The following KIRREL3 variants were observed in gnomAD, a reference collection of about 807,000 sequenced individuals.
KIRREL3 encodes the protein kin of IRRE-like protein 3.
A neutral mutation model predicts 89.7 loss-of-function variants in KIRREL3; 36 were observed. The observed-to-expected ratio is 0.40, with a 90% confidence interval of 0.31 to 0.53. The LOEUF is 0.53. KIRREL3 is among the 20% of genes least tolerant of loss of function. The pLI is 0.49. For missense variants in KIRREL3, 864 were observed against 1,056.6 expected (o/e 0.82, Z 2.53); for synonymous variants, 445 against 441.4 (o/e 1.01, Z -0.10).
chr11:126,617,269 G>A (rs892255535), intron 1 of KIRREL3, among the ~76,000 whole-genome samples: 8 of 152,208 alleles, frequency 5.3e-5, no homozygotes, highest in African/African-American at 1.7e-4. Flanking sequence ...GCTTGCCCAC[G>A]CAGTTAGATG....
At position 126,615,200 on chromosome 11, in the gene KIRREL3, GC is replaced by G. The variant is rs1470210029; in HGVS notation, c.56-52289del. Among the ~76,000 whole-genome samples, 8 of 152,282 alleles carry G rather than the reference GC, an allele frequency of 5.3e-5. No individual in the cohort carries two copies. Among genetic ancestry groups the G allele is most frequent in the African/African-American group, 1.4e-4 (6 of 41,556 alleles). The stretch of plus-strand genomic sequence containing the variant: ...CGTGCATACCTCTGCCTTAGCACCT[GC>G]TTTTATGACAGTCTTCTCTACAATG... On this transcript the variant is annotated intron_variant, in intron 1 of 16. Transcript: ENST00000525144. This position sits in a 1 kb window ranked among gnomAD's most constrained non-coding sequence, Gnocchi z 5.4.
At chr11:126,665,555 C>G (rs1945623140) in intron 1 of KIRREL3, among the ~76,000 whole-genome samples, 1 of 152,092 alleles carries the variant, frequency 6.6e-6, no homozygotes, top group African/African-American at 2.4e-5. Context: ...GAAAGAGGCC[C>G]CAGAGAGCTG....
intron 4 of KIRREL3, among the ~76,000 whole-genome samples, chr11:126,483,538 C>G (rs1957275911): frequency 6.6e-6 from 1 of 152,220 alleles, no homozygotes; most frequent in Non-Finnish European, 1.5e-5. Flanking sequence ...CTCTCCACTT[C>G]CCTCCGATCC....
Position 126,526,554 on chromosome 11 carries a change from C to T in KIRREL3, c.267G>A (p.Val89=). Residue 89 remains valine (V), a synonymous_variant, in exon 3 of 17, where the codon GTG becomes GTA. Coordinates refer to ENST00000525144, the MANE Select transcript of KIRREL3 (RefSeq NM_032531.4). The surrounding 1 kb of genome is among the most constrained non-coding windows in gnomAD (Gnocchi z 5.7). ...GGTACTCACTTGAGAGGTCCCTGCC[C>T]ACACCCAGAGCCAAGCCGTCCTTGA... The part of the protein sequence containing the change: ...LWIKDGLALG[V]GRDLSSYPQY... 2 of 1,613,268 alleles carry T rather than the reference C, an allele frequency of 1.2e-6. No homozygotes were observed. Among genetic ancestry groups the T allele is most frequent in the Non-Finnish European group, 1.7e-6 (2 of 1,179,588 alleles).
At position 126,996,262 on chromosome 11, in the gene KIRREL3, A is replaced by C. The variant is rs777794982; in HGVS notation, c.55+4193T>G. Among the ~76,000 whole-genome samples the C allele has an allele frequency of 6.6e-6, 1 of 152,200 alleles. No individual in the cohort carries two copies. Among genetic ancestry groups the C allele is most frequent in the Non-Finnish European group, 1.5e-5 (1 of 68,042 alleles). On this transcript the variant is annotated intron_variant, in intron 1 of 16. Transcript: ENST00000525144. The surrounding 1 kb of genome is among the most constrained non-coding windows in gnomAD (Gnocchi z 4.7). The stretch of plus-strand genomic sequence containing the variant: ...TCCTCTAGACAAGACGTCATCCCAC[A>C]TGGGGTTCTGGTAGGAGGGAGAAAC...
At chr11:126,717,955 A>T (rs1370566857) in intron 1 of KIRREL3, among the ~76,000 whole-genome samples, 1 of 152,230 alleles carries the variant, frequency 6.6e-6, no homozygotes, top group Non-Finnish European at 1.5e-5. Flanking sequence ...GTGAGCCGTG[A>T]TTGCTAATAT....
At chr11:126,928,934 G>A (rs902781819) in intron 1 of KIRREL3, among the ~76,000 whole-genome samples, 2 of 152,138 alleles carry the variant, frequency 1.3e-5, no homozygotes, top group Non-Finnish European at 2.9e-5. Context: ...CCCATGATTG[G>A]TCAAACTATG....
chr11:126,440,518 C>T lies in KIRREL3; in HGVS notation c.1284G>A (p.Gln428=). The T allele has an allele frequency of 6.2e-7, 1 of 1,601,674 alleles. No individual in the cohort carries two copies. The highest frequency in any genetic ancestry group is 1.7e-4 in the Middle Eastern group (1 of 6,046). The stretch of plus-strand genomic sequence containing the variant: ...GGCCCTTCTCGCCGTGGAGGGCGTG[C>T]TGGGTCTGGGTGCTGGAGATGATGG... The part of the protein sequence containing the change: ...GPPIISSTQT[Q]HALHGEKGQI... Residue 428 remains glutamine (Q), a synonymous_variant, in exon 11 of 17, where the codon CAG becomes CAA. Transcript: ENST00000525144.
rs537707535 is a variant in KIRREL3 at position 126,610,221 on chromosome 11, G to T, written c.56-47309C>A. 5.9e-5 allele frequency among the ~76,000 whole-genome samples: 9 copies of T among 152,242 alleles called. No homozygotes were observed. The South Asian group carries it at 1.9e-3, about 32-fold the overall frequency. On this transcript the variant is annotated intron_variant, in intron 1 of 16. Coordinates refer to ENST00000525144, the MANE Select transcript of KIRREL3 (RefSeq NM_032531.4). This position sits in a 1 kb window ranked among gnomAD's most constrained non-coding sequence, Gnocchi z 4.6. ...TTCTCCTGCCTCAGCCTGCCGAGTG[G>T]CTGGGATTACAGGCATGCACCACCA...
rs543537854 is a variant in KIRREL3 at position 126,558,258 on chromosome 11, G to T, written c.133+4577C>A. ...TTCTCAAGAGTCCTGTGGCCTGCCAGCTTTTCTGGTCCCCCAGGAATGGTC... is the reference window on the plus strand; with the variant it reads ...TTCTCAAGAGTCCTGTGGCCTGCCATCTTTTCTGGTCCCCCAGGAATGGTC... On this transcript the variant is annotated intron_variant, in intron 2 of 16. Coordinates refer to ENST00000525144, the MANE Select transcript of KIRREL3 (RefSeq NM_032531.4). The surrounding 1 kb of genome is among the most constrained non-coding windows in gnomAD (Gnocchi z 4.0). Among the ~76,000 whole-genome samples the T allele has an allele frequency of 6.6e-6, 1 of 152,244 alleles. No individual in the cohort carries two copies. Among genetic ancestry groups the T allele is most frequent in the Admixed American group, 6.5e-5 (1 of 15,300 alleles).
intron 2 of KIRREL3, among the ~76,000 whole-genome samples, chr11:126,542,143 C>T (rs1939298): frequency 0.055 from 8,383 of 152,284 alleles, 685 homozygotes; most frequent in African/African-American, 0.18. Flanking sequence ...CAGGCCCACC[C>T]GGCGTGCACT....
Position 126,656,070 on chromosome 11 carries a change from A to G in KIRREL3, c.56-93158T>C, listed in dbSNP as rs962532739. 3 of 447,244 alleles carry G rather than the reference A, an allele frequency of 6.7e-6. No homozygotes were observed. Among genetic ancestry groups the G allele is most frequent in the African/African-American group, 6.0e-5 (3 of 49,884 alleles). 27.7% of individuals were successfully genotyped at this position (447,244 alleles called of 1,614,324 possible). ...GCCAGGAGAGTCCTGTGGATTCACTAGATTCTGGGACTATACCTTATCTAT... is the reference window on the plus strand; with the variant it reads ...GCCAGGAGAGTCCTGTGGATTCACTGGATTCTGGGACTATACCTTATCTAT... On this transcript the variant is annotated intron_variant, in intron 1 of 16. Transcript: ENST00000525144. This position sits in a 1 kb window ranked among gnomAD's most constrained non-coding sequence, Gnocchi z 4.0.
rs1941392103 is a variant in KIRREL3 at position 126,578,823 on chromosome 11, GACTTACT to G, written c.56-15918_56-15912del. On this transcript the variant is annotated intron_variant, in intron 1 of 16. Coordinates refer to ENST00000525144, the MANE Select transcript of KIRREL3 (RefSeq NM_032531.4). This position sits in a 1 kb window ranked among gnomAD's most constrained non-coding sequence, Gnocchi z 4.9. ...AGGCTCTCCTACCACACCTAGGCTG[GACTTACT>G]GATTCCAAGGTGAAAATAAGCCATC... 2.0e-5 allele frequency among the ~76,000 whole-genome samples: 3 copies of G among 152,116 alleles called. No individual in the cohort carries two copies. The highest frequency in any genetic ancestry group is 4.2e-4 in the South Asian group (2 of 4,818).
intron 1 of KIRREL3, among the ~76,000 whole-genome samples, chr11:126,746,722 C>T (rs552749945): frequency 5.3e-5 from 8 of 152,282 alleles, no homozygotes; most frequent in South Asian, 2.1e-4. Context: ...TACATGACCA[C>T]GAGGTCTGCT....
At position 126,969,687 on chromosome 11, in the gene KIRREL3, T is replaced by C. The variant is rs904499479; in HGVS notation, c.55+30768A>G. On this transcript the variant is annotated intron_variant, in intron 1 of 16. Coordinates refer to ENST00000525144, the MANE Select transcript of KIRREL3 (RefSeq NM_032531.4). The surrounding 1 kb of genome is among the most constrained non-coding windows in gnomAD (Gnocchi z 4.9). The stretch of plus-strand genomic sequence containing the variant: ...GAACTGTGATGGTAGCCATGATGCT[T>C]TTCCACGCCCTTGATGACACAGGCT... 4.6e-5 allele frequency among the ~76,000 whole-genome samples: 7 copies of C among 152,120 alleles called. No homozygotes were observed. The highest frequency in any genetic ancestry group is 8.8e-5 in the Non-Finnish European group (6 of 68,034).
chr11:126,674,948 C>T (rs551451092), intron 1 of KIRREL3, among the ~76,000 whole-genome samples: 13 of 152,062 alleles, frequency 8.5e-5, no homozygotes, highest in Non-Finnish European at 1.8e-4. Flanking sequence ...TGGTGCACCT[C>T]GTGTTAACCA....
chr11:126,592,697 G>A (rs1217506007), intron 1 of KIRREL3, among the ~76,000 whole-genome samples: 2 of 152,242 alleles, frequency 1.3e-5, no homozygotes, highest in East Asian at 1.9e-4. Flanking sequence ...GAGCCAGGGT[G>A]GGGAGCCCAG....
In KIRREL3 at chr11:126,776,948, A is replaced by G. The variant is rs184265202; in HGVS notation, c.56-214036T>C. Among the ~76,000 whole-genome samples the G allele has an allele frequency of 6.5e-4, 99 of 152,292 alleles. 1 individual carries two copies. The highest frequency in any genetic ancestry group is 1.5e-3 in the Admixed American group (23 of 15,300). On this transcript the variant is annotated intron_variant, in intron 1 of 16. Transcript: ENST00000525144. The surrounding 1 kb of genome is among the most constrained non-coding windows in gnomAD (Gnocchi z 4.7). ...TGAAAGTTTGGATTTGCAATCACAG[A>G]TGCCCCATGTGGCTTCTTGAGAGAT...
rs149555103 is a variant in KIRREL3 at position 126,527,454 on chromosome 11, C to T, written c.134-767G>A. On this transcript the variant is annotated intron_variant, in intron 2 of 16. Transcript: ENST00000525144. This position sits in a 1 kb window ranked among gnomAD's most constrained non-coding sequence, Gnocchi z 4.2. Reference sequence around the variant, plus strand: ...CCCATCCACAATGCTTACAAGATGCCATGCTCTGTTTTGAGGCTTTAAAAT... The same window carrying T: ...CCCATCCACAATGCTTACAAGATGCTATGCTCTGTTTTGAGGCTTTAAAAT... Among the ~76,000 whole-genome samples, 313 of 152,244 alleles carry T rather than the reference C, an allele frequency of 2.1e-3. No homozygotes were observed. The highest frequency in any genetic ancestry group is 6.9e-3 in the African/African-American group (288 of 41,534).
Sources: allele counts gnomAD v4.1 joint callset (sites outside exome capture counted in the v4.1 genomes callset), GRCh38; gene constraint gnomAD v4.1.1; non-coding constraint Gnocchi (gnomAD v3.1); transcripts MANE v1.5; gene names NCBI Gene and HGNC (gene_info 2026-07-23, HGNC 2026-07-21).